The following JAKMIP2 variants were observed in gnomAD, a reference collection of about 807,000 sequenced individuals.
JAKMIP2 encodes the protein janus kinase and microtubule-interacting protein 2.
Under a neutral mutation model 115.0 loss-of-function variants are expected in JAKMIP2, and 25 were observed. The observed-to-expected ratio is 0.22, with a 90% CI of 0.16 to 0.30. The LOEUF (loss-of-function observed/expected upper bound fraction) is 0.30, where lower values mean the gene tolerates loss of function less well. Ranked by LOEUF, JAKMIP2 falls within the 10% of genes least tolerant of loss-of-function variation. The pLI is 1.00. For synonymous variants in JAKMIP2, 334 were observed against 343.6 expected, an observed-to-expected ratio of 0.97 and a Z score of 0.31; for missense variants, 642 against 957.6, an observed-to-expected ratio of 0.67 and a Z score of 4.35.
intron 17 of JAKMIP2, among the ~76,000 whole-genome samples, 190 bp downstream of exon 17, chr5:147,623,431 T>G (rs1015936829): frequency 2.0e-5 from 3 of 152,098 alleles, no homozygotes; most frequent in Non-Finnish European, 2.9e-5. Context: ...TAACATTTTT[T>G]GGGGGGAGAA....
At chr5:147,650,130 A>G (rs1027478503) in intron 4 of JAKMIP2, among the ~76,000 whole-genome samples, 13 of 152,200 alleles carry the variant, frequency 8.5e-5, no homozygotes, top group African/African-American at 3.1e-4. Context: ...AAAGAAATCT[A>G]TCTCATGTGA....
intron 2 of JAKMIP2, among the ~76,000 whole-genome samples, chr5:147,664,706 G>A (rs1229786559): frequency 1.3e-5 from 2 of 151,950 alleles, no homozygotes; most frequent in African/African-American, 4.8e-5. Flanking sequence ...TTGCCCACTT[G>A]TCTGTCCTCA....
intron 3 of JAKMIP2, among the ~76,000 whole-genome samples, chr5:147,653,027 G>T (rs1758485043): frequency 6.6e-6 from 1 of 152,128 alleles, no homozygotes; most frequent in Non-Finnish European, 1.5e-5. Flanking sequence ...TCCCTACAAA[G>T]GACATGAACT....
chr5:147,675,780 G>A (rs1029310011), intron 1 of JAKMIP2, among the ~76,000 whole-genome samples: 3 of 125,628 alleles, frequency 2.4e-5, no homozygotes, highest in Non-Finnish European at 4.7e-5. Context: ...GGAATCATAT[G>A]ACATTTTTTT....
chr5:147,670,496 A>G (rs902572065), intron 2 of JAKMIP2, among the ~76,000 whole-genome samples: 9 of 152,174 alleles, frequency 5.9e-5, no homozygotes, highest in African/African-American at 1.9e-4. Flanking sequence ...ACCCTCTCTG[A>G]TATTCATACC....
chr5:147,630,549 A>T (rs984389247), intron 14 of JAKMIP2, among the ~76,000 whole-genome samples: 5 of 152,126 alleles, frequency 3.3e-5, no homozygotes, highest in Admixed American at 2.6e-4. Context: ...AGTTTTCTCC[A>T]CTTTTTACCG....
intron 1 of JAKMIP2, among the ~76,000 whole-genome samples, chr5:147,701,010 T>C (rs552045025): frequency 2.9e-4 from 44 of 152,176 alleles, no homozygotes; most frequent in African/African-American, 1.1e-3. Flanking sequence ...AAGAAAAGTA[T>C]GGGAGCTGGG....
intron 2 of JAKMIP2, among the ~76,000 whole-genome samples, chr5:147,667,437 GA>G (rs1759357156): frequency 6.6e-6 from 1 of 152,190 alleles, no homozygotes; most frequent in Non-Finnish European, 1.5e-5. Context: ...AGATAGTGAT[GA>G]TTTGAGCTTC....
chr5:147,630,429 C>T (rs1757304182), intron 14 of JAKMIP2, among the ~76,000 whole-genome samples: 1 of 152,040 alleles, frequency 6.6e-6, no homozygotes, highest in Non-Finnish European at 1.5e-5. Flanking sequence ...CAGTGAAATC[C>T]AAAAATTGCT....
chr5:147,592,347 C>A (rs1306297892), intron 21 of JAKMIP2, among the ~76,000 whole-genome samples: 1 of 152,142 alleles, frequency 6.6e-6, no homozygotes, highest in African/African-American at 2.4e-5. Flanking sequence ...ATTGTCTCCA[C>A]CTAAAGTCCT....
At chr5:147,615,129 G>C (rs1756506005) in intron 19 of JAKMIP2, among the ~76,000 whole-genome samples, 1 of 152,196 alleles carries the variant, frequency 6.6e-6, no homozygotes, top group African/African-American at 2.4e-5. Flanking sequence ...GTAGTGATCT[G>C]TATGTCTTTG....
intron 16 of JAKMIP2, among the ~76,000 whole-genome samples, chr5:147,627,576 C>T (rs1757153612): frequency 6.8e-6 from 1 of 146,732 alleles, no homozygotes; most frequent in African/African-American, 2.5e-5. Flanking sequence ...TGTAATTAAA[C>T]TGTGTAGGAA....
intron 21 of JAKMIP2, among the ~76,000 whole-genome samples, chr5:147,594,998 A>T (rs954487573): frequency 6.6e-6 from 1 of 152,050 alleles, no homozygotes; most frequent in Non-Finnish European, 1.5e-5. Flanking sequence ...CAACCATTTA[A>T]TGGTGATGTG....
At position 147,650,496 on chromosome 5, in the gene JAKMIP2, G is replaced by T; in HGVS notation, c.679C>A (p.Leu227Met). 1 of 1,613,820 alleles carries T rather than the reference G, an allele frequency of 6.2e-7. No individual in the cohort carries two copies. Residue 227 changes from leucine to methionine, a missense_variant, in exon 4 of 22, where the codon CTG becomes ATG. Around this residue, in one of 6 missense-constraint regions of JAKMIP2, gnomAD observed 439 missense variants for 570.9 expected, o/e 0.77. Transcript: ENST00000616793. ...TGTACATAGCCTGTCTGGGTCTCCA[G>T]TTCCTTTTCCAGGGAAAAGATGATC... ...DRIIFSLEKE[L>M]ETQTGYVQKL... is the part of the protein sequence containing the mutation.
chr5:147,674,190 TCCCAGATATAAG>T (rs1395314738), intron 1 of JAKMIP2, among the ~76,000 whole-genome samples: 1 of 152,186 alleles, frequency 6.6e-6, no homozygotes, highest in East Asian at 1.9e-4. Flanking sequence ...TGTCCAATTG[TCCCAGATATAAG>T]CCTAGAAATT....
At position 147,644,207 on chromosome 5, in the gene JAKMIP2, G is replaced by A. The variant is rs777353231; in HGVS notation, c.1084-9C>T. 1.3e-6 allele frequency: 2 copies of A among 1,561,916 alleles called. No homozygotes were observed. The highest frequency in any genetic ancestry group is 1.2e-5 in the South Asian group (1 of 83,156). ...GATGTTATTTTTTCTCTCTGGATTG[G>A]AAAAGAAGAAAGTACAGGTGGAGAC... is the stretch of plus-strand genomic sequence containing the variant. On this transcript the variant is annotated splice_polypyrimidine_tract_variant and intron_variant, in intron 6 of 21. Transcript: ENST00000616793.
chr5:147,588,217 C>A lies in JAKMIP2; in HGVS notation c.*3490G>T, dbSNP rs2126534712. ...TCCTGAATAACTATTTAAATTGGGT[C>A]TTTTATTTATCTCAAATTATCTTTA... On this transcript the variant is annotated 3_prime_UTR_variant, in exon 22 of 22. Transcript: ENST00000616793. The A allele has an allele frequency of 6.6e-6, 1 of 151,942 alleles. No individual in the cohort carries two copies. The highest frequency in any genetic ancestry group is 1.9e-4 in the East Asian group (1 of 5,180). 9.4% of individuals were successfully genotyped at this position (151,942 alleles called of 1,614,324 possible). A position where few individuals can be genotyped will look rare whatever the true frequency, so the allele number is the denominator to read the frequency against.
At position 147,589,103 on chromosome 5, in the gene JAKMIP2, A is replaced by G. The variant is rs962738300; in HGVS notation, c.*2604T>C. 2 of 152,162 alleles carry G rather than the reference A, an allele frequency of 1.3e-5. No homozygotes were observed. The highest frequency in any genetic ancestry group is 1.5e-5 in the Non-Finnish European group (1 of 68,022). 9.4% of individuals were successfully genotyped at this position (152,162 alleles called of 1,614,324 possible). A position where few individuals can be genotyped will look rare whatever the true frequency, so the allele number is the denominator to read the frequency against. Reference sequence around the variant, plus strand: ...GCACCCTCTTTCACATTTCTTGCCTAATGAGCATATGGCTCATATTTAATC... The same window carrying G: ...GCACCCTCTTTCACATTTCTTGCCTGATGAGCATATGGCTCATATTTAATC... On this transcript the variant is annotated 3_prime_UTR_variant, in exon 22 of 22. Coordinates refer to ENST00000616793, the MANE Select transcript of JAKMIP2 (RefSeq NM_001270941.2).
chr5:147,683,024 A>G (rs138760631), intron 1 of JAKMIP2, among the ~76,000 whole-genome samples: 1 of 152,298 alleles, frequency 6.6e-6, no homozygotes, highest in East Asian at 1.9e-4. Context: ...CTCTGGATTC[A>G]AAGTGTTTTA....
Sources: allele counts gnomAD v4.1 joint callset (sites outside exome capture counted in the v4.1 genomes callset), GRCh38; gene constraint gnomAD v4.1.1; regional missense constraint gnomAD v4.1.1; transcripts MANE v1.5; gene names NCBI Gene and HGNC (gene_info 2026-07-23, HGNC 2026-07-21).